The following GPC5 variants were observed in gnomAD, a reference collection of about 807,000 sequenced individuals.
The protein encoded by GPC5 is glypican-5.
Under a neutral mutation model 53.9 loss-of-function variants are expected in GPC5, and 47 were observed. That is an observed-to-expected ratio of 0.87 (90% CI 0.69 to 1.11). GPC5 has a LOEUF of 1.11. Ranked by LOEUF, GPC5 falls within the 50% of genes most tolerant of loss-of-function variation. GPC5 has a pLI of 0.00. For missense variants in GPC5, 748 were observed against 713.1 expected, an observed-to-expected ratio of 1.05 and a Z score of -0.56; for synonymous variants, 286 against 263.3, an observed-to-expected ratio of 1.09 and a Z score of -0.84.
intron 7 of GPC5, among the ~76,000 whole-genome samples, chr13:92,149,547 C>T (rs1245254920): frequency 1.3e-5 from 2 of 151,932 alleles, no homozygotes; most frequent in Non-Finnish European, 2.9e-5. Flanking sequence ...CTGCCTCTAA[C>T]AAATGTATCC....
chr13:92,155,888 C>T (rs1464291947), intron 7 of GPC5, among the ~76,000 whole-genome samples: 1 of 152,094 alleles, frequency 6.6e-6, no homozygotes, highest in Non-Finnish European at 1.5e-5. Context: ...TGTTTTTGAA[C>T]ATCTTGATTG....
intron 7 of GPC5, among the ~76,000 whole-genome samples, chr13:92,324,585 A>G (rs2043237809): frequency 6.6e-6 from 1 of 151,928 alleles, no homozygotes; most frequent in South Asian, 2.1e-4. Flanking sequence ...TCTGGCTGGC[A>G]TAATAAATAA....
At chr13:92,058,018 A>G (rs1248022870) in intron 6 of GPC5, among the ~76,000 whole-genome samples, 1 of 152,120 alleles carries the variant, frequency 6.6e-6, no homozygotes, top group Non-Finnish European at 1.5e-5. Context: ...AATGGCAGAC[A>G]TAATTGAATG....
intron 2 of GPC5, among the ~76,000 whole-genome samples, chr13:91,665,520 T>G (rs577146216): frequency 7.6e-6 from 1 of 131,230 alleles, no homozygotes; most frequent in African/African-American, 4.5e-5. Flanking sequence ...TTTTTTCTTT[T>G]GAGACGGAGT....
intron 6 of GPC5, among the ~76,000 whole-genome samples, chr13:91,969,327 A>G (rs1179515625): frequency 6.6e-6 from 1 of 152,162 alleles, no homozygotes; most frequent in Non-Finnish European, 1.5e-5. Context: ...AATAGCATGG[A>G]TATCTGACAT....
At chr13:92,402,832 A>G (rs1327330549) in intron 7 of GPC5, among the ~76,000 whole-genome samples, 1 of 152,180 alleles carries the variant, frequency 6.6e-6, no homozygotes, top group East Asian at 1.9e-4. Flanking sequence ...GGAATATCTC[A>G]TTTGTGCCAT....
At chr13:92,094,054 A>G (rs563412232) in intron 6 of GPC5, among the ~76,000 whole-genome samples, 233 of 152,334 alleles carry the variant, frequency 1.5e-3, no homozygotes, top group African/African-American at 5.2e-3. Context: ...AGTTTTAATT[A>G]ATATTGGGGT....
chr13:91,554,317 A>G (rs2030817967), intron 2 of GPC5, among the ~76,000 whole-genome samples: 1 of 151,962 alleles, frequency 6.6e-6, no homozygotes, highest in Non-Finnish European at 1.5e-5. Context: ...CAGAGACTCA[A>G]CACATGCACG....
At chr13:91,851,516 A>G (rs945383381) in intron 5 of GPC5, among the ~76,000 whole-genome samples, 2 of 151,512 alleles carry the variant, frequency 1.3e-5, no homozygotes, top group Non-Finnish European at 1.5e-5. Flanking sequence ...TTTTATTATT[A>G]TACTTCAAGT....
At chr13:91,437,058 C>T (rs1880035065) in intron 1 of GPC5, among the ~76,000 whole-genome samples, 1 of 152,066 alleles carries the variant, frequency 6.6e-6, no homozygotes, top group South Asian at 2.1e-4. Context: ...TGCTCCATCC[C>T]TTTATTTTGA....
At chr13:91,617,623 C>T (rs899390532) in intron 2 of GPC5, among the ~76,000 whole-genome samples, 7 of 151,782 alleles carry the variant, frequency 4.6e-5, no homozygotes, top group African/African-American at 1.7e-4. Context: ...CAAAGCAATC[C>T]CTCCCTCCCT....
chr13:91,890,090 G>T (rs561605765), intron 5 of GPC5, among the ~76,000 whole-genome samples: 1 of 152,234 alleles, frequency 6.6e-6, no homozygotes, highest in Non-Finnish European at 1.5e-5. Flanking sequence ...CAATTGTTTT[G>T]ACATAGTTAT....
At chr13:92,597,783 T>C (rs1265895939) in intron 7 of GPC5, among the ~76,000 whole-genome samples, 1 of 152,244 alleles carries the variant, frequency 6.6e-6, no homozygotes, top group Non-Finnish European at 1.5e-5. Context: ...GTCTTTATGT[T>C]AGCCCTTCTC....
chr13:92,837,524 AC>A (rs957504850), intron 7 of GPC5, among the ~76,000 whole-genome samples: 2 of 152,330 alleles, frequency 1.3e-5, no homozygotes, highest in South Asian at 2.1e-4. Flanking sequence ...CCAGGATTGC[AC>A]CCACGGAGAT....
At chr13:92,382,730 G>T (rs577399161) in intron 7 of GPC5, among the ~76,000 whole-genome samples, 15 of 152,208 alleles carry the variant, frequency 9.9e-5, no homozygotes, top group African/African-American at 2.9e-4. Context: ...TCGCATTATG[G>T]CCGGGCGCGG....
At chr13:92,633,774 C>T (rs2139137153) in intron 7 of GPC5, among the ~76,000 whole-genome samples, 1 of 152,096 alleles carries the variant, frequency 6.6e-6, no homozygotes, top group South Asian at 2.1e-4. Context: ...TTACTAATGG[C>T]TTTAATAGGA....
At chr13:92,808,859 G>A (rs2138795805) in intron 7 of GPC5, among the ~76,000 whole-genome samples, 1 of 152,074 alleles carries the variant, frequency 6.6e-6, no homozygotes, top group East Asian at 1.9e-4. Context: ...CCCTGAAATT[G>A]TTATCTATTT....
intron 2 of GPC5, among the ~76,000 whole-genome samples, chr13:91,571,653 A>C (rs1190232060): frequency 6.6e-6 from 1 of 151,548 alleles, no homozygotes; most frequent in East Asian, 2.0e-4. Context: ...TGAGCCCAGG[A>C]GGTGGAAATT....
At chr13:92,624,585 C>T (rs1268519972) in intron 7 of GPC5, among the ~76,000 whole-genome samples, 1 of 152,190 alleles carries the variant, frequency 6.6e-6, no homozygotes, top group Non-Finnish European at 1.5e-5. Context: ...TCTCTCACAA[C>T]AATAACAGGA....
Sources: gnomAD v4.1 joint callset for allele counts (sites outside exome capture counted in the v4.1 genomes callset) on GRCh38, gnomAD v4.1.1 for gene constraint, MANE v1.5 for transcripts, NCBI Gene and HGNC (gene_info 2026-07-23, HGNC 2026-07-21) for gene names.